NDUFA1: variants seen among roughly 807,000 people sequenced by gnomAD.
NDUFA1 encodes NADH dehydrogenase [ubiquinone] 1 alpha subcomplex subunit 1.
For synonymous variants in NDUFA1, 21 were observed against 20.0 expected (o/e 1.05, Z -0.14); for missense variants, 42 against 56.0 (o/e 0.75, Z 0.80).
chrX:119,876,617 C>T lies in NDUFA1; in HGVS notation c.*83C>T. The T allele has an allele frequency of 1.1e-6, 1 of 889,652 alleles. No homozygotes were observed. Among genetic ancestry groups the T allele is most frequent in the Non-Finnish European group, 1.6e-6 (1 of 606,187 alleles). 73.3% of individuals were successfully genotyped at this position (889,652 alleles called of 1,213,427 possible). ...TAGAAGGTTACAGTGTATTATGTAG[C>T]ATGCAATGTGTTATGTAGTGCTTAA... On this transcript the variant is annotated 3_prime_UTR_variant, in exon 3 of 3. Coordinates refer to ENST00000371437, the MANE Select transcript of NDUFA1 (RefSeq NM_004541.4).
intron 2 of NDUFA1, 136 bp downstream of exon 2, chrX:119,873,529 T>C: frequency 2.3e-6 from 1 of 429,877 alleles, no homozygotes; most frequent in South Asian, 4.3e-5. Context: ...TTTTTACATA[T>C]TTAATCTTTT....
intron 1 of NDUFA1, among the ~76,000 whole-genome samples, chrX:119,872,486 G>T (rs1369151730): frequency 1.8e-5 from 2 of 109,225 alleles, no homozygotes; most frequent in Non-Finnish European, 3.8e-5. Flanking sequence ...GCGTGGTGGC[G>T]CATGCCTGTA....
Position 119,872,838 on chromosome X carries a change from C to T in NDUFA1, c.103-466C>T, listed in dbSNP as rs1044834710. 2.7e-5 allele frequency among the ~76,000 whole-genome samples: 3 copies of T among 109,534 alleles called. No individual in the cohort carries two copies. The East Asian group carries it at 8.6e-4, about 32-fold the overall frequency. On this transcript the variant is annotated intron_variant, in intron 1 of 2. Coordinates refer to ENST00000371437, the MANE Select transcript of NDUFA1 (RefSeq NM_004541.4). ...ACCGGCCACCCTTGACTTTTTTATT[C>T]CCCACTTTCTCTTGCAAGCCTTTAG... is the stretch of plus-strand genomic sequence containing the variant.
intron 2 of NDUFA1, 128 bp downstream of exon 2, chrX:119,873,521 T>C (rs1019443510): frequency 1.7e-5 from 8 of 458,537 alleles, no homozygotes; most frequent in Non-Finnish European, 2.7e-5. Context: ...TTGGCATCTT[T>C]TTACATATTT....
intron 2 of NDUFA1, among the ~76,000 whole-genome samples, chrX:119,874,371 C>T (rs1488555931): frequency 1.8e-5 from 2 of 109,379 alleles, no homozygotes; most frequent in African/African-American, 3.3e-5. Context: ...TACACATGGG[C>T]CTGTTTCACG....
chrX:119,875,109 T>C (rs2056431363), intron 2 of NDUFA1, among the ~76,000 whole-genome samples: 1 of 110,829 alleles, frequency 9.0e-6, no homozygotes, highest in African/African-American at 3.3e-5. Context: ...AATAGATATC[T>C]ACTTATCTGG....
chrX:119,875,512 A>G (rs915144637), intron 2 of NDUFA1, among the ~76,000 whole-genome samples: 3 of 109,084 alleles, frequency 2.8e-5, no homozygotes, highest in African/African-American at 1.0e-4. Flanking sequence ...GGGTTTCACC[A>G]TCTTGGCCAG....
intron 2 of NDUFA1, 122 bp downstream of exon 2, chrX:119,873,515 C>G: frequency 2.2e-6 from 1 of 448,813 alleles, no homozygotes; most frequent in South Asian, 4.1e-5. Context: ...GTGAGGTTGG[C>G]ATCTTTTTAC....
At position 119,873,295 on chromosome X, in the gene NDUFA1, T is replaced by G; in HGVS notation, c.103-9T>G. On this transcript the variant is annotated splice_polypyrimidine_tract_variant and intron_variant, in intron 1 of 2. Coordinates refer to ENST00000371437, the MANE Select transcript of NDUFA1 (RefSeq NM_004541.4). ...ATAAACTGCAACAATAATTGTCTCT[T>G]ATTTGAAGGAAAAAAGGGTTGCTCA... The G allele has an allele frequency of 8.4e-7, 1 of 1,196,407 alleles. No homozygotes were observed. The highest frequency in any genetic ancestry group is 1.1e-6 in the Non-Finnish European group (1 of 881,913).
chrX:119,876,494 C>A lies in NDUFA1; in HGVS notation c.193-20C>A. The A allele has an allele frequency of 8.3e-7, 1 of 1,207,102 alleles. No homozygotes were observed. The highest frequency in any genetic ancestry group is 1.1e-6 in the Non-Finnish European group (1 of 891,876). On this transcript the variant is annotated intron_variant, in intron 2 of 2. Coordinates refer to ENST00000371437, the MANE Select transcript of NDUFA1 (RefSeq NM_004541.4). ...ATGGGAACAGACTTGTCACATTCTC[C>A]TTTTTAAACTGTTTTTCAGGGTTTG...
chrX:119,873,646 G>A (rs2056425303), intron 2 of NDUFA1, among the ~76,000 whole-genome samples: 1 of 107,462 alleles, frequency 9.3e-6, no homozygotes, highest in African/African-American at 3.4e-5. Context: ...TTTGAGCTAT[G>A]GTTCTTTATA....
At chrX:119,873,521 T>A (rs1019443510) in intron 2 of NDUFA1, 128 bp downstream of exon 2, 1 of 458,537 alleles carries the variant, frequency 2.2e-6, no homozygotes, top group Admixed American at 3.8e-5. Flanking sequence ...TTGGCATCTT[T>A]TTACATATTT....
rs1801316 is a variant in NDUFA1 at position 119,872,005 on chromosome X, G to T, written c.94G>T (p.Gly32Trp). The change falls in exon 1 of 3, where the codon GGG becomes TGG. Residue 32 changes from glycine to tryptophan, a missense_variant. Physicochemically the swap from Gly to Trp is radical, Grantham distance 184 (BLOSUM62 -2). Transcript: ENST00000371437. ...TGCGTACATCCACAGGTTCACTAAC[G>T]GGGGCAAGGTAAGCCGGCTTCGGCC... is the stretch of plus-strand genomic sequence containing the variant. ...ATAYIHRFTN[G>W]GKEKRVAHFG... The T allele has an allele frequency of 8.3e-7, 1 of 1,211,460 alleles. No individual in the cohort carries two copies. The highest frequency in any genetic ancestry group is 3.0e-5 in the East Asian group (1 of 33,846).
chrX:119,872,627 TA>T (rs2056419027), intron 1 of NDUFA1, among the ~76,000 whole-genome samples: 1 of 107,008 alleles, frequency 9.3e-6, no homozygotes, highest in Admixed American at 1.0e-4. Context: ...CAAAAAAAAA[TA>T]AATAAAGAAA....
chrX:119,874,903 C>T (rs2056430661), intron 2 of NDUFA1, among the ~76,000 whole-genome samples: 1 of 112,158 alleles, frequency 8.9e-6, no homozygotes, highest in African/African-American at 3.2e-5. Context: ...GTAGTTCATT[C>T]TCATACTTCT....
intron 2 of NDUFA1, among the ~76,000 whole-genome samples, 162 bp from the exon 3 acceptor site, chrX:119,876,352 T>C (rs2056437151): frequency 8.9e-6 from 1 of 112,280 alleles, no homozygotes; most frequent in Admixed American, 9.5e-5. Flanking sequence ...CTTTAGTGAT[T>C]ATAAAATTTA....
At chrX:119,872,101 C>A in intron 1 of NDUFA1, 88 bp downstream of exon 1, 1 of 949,227 alleles carries the variant, frequency 1.1e-6, no homozygotes, top group Non-Finnish European at 1.5e-6. Context: ...TGCGAACCCT[C>A]TCTCCGAGGT....
At chrX:119,875,605 A>G (rs1174605636) in intron 2 of NDUFA1, among the ~76,000 whole-genome samples, 1 of 110,218 alleles carries the variant, frequency 9.1e-6, no homozygotes, top group African/African-American at 3.3e-5. Flanking sequence ...CCACCACGCC[A>G]GGTGTAATCT....
chrX:119,872,046 C>T (rs770338065), intron 1 of NDUFA1, 33 bp downstream of exon 1: 10 of 1,172,064 alleles, frequency 8.5e-6, no homozygotes, highest in African/African-American at 1.7e-5. Context: ...GCCGACTCCA[C>T]GGGCTGATTT....
Sources: gnomAD v4.1 joint callset for allele counts (sites outside exome capture counted in the v4.1 genomes callset) on GRCh38, gnomAD v4.1.1 for gene constraint, MANE v1.5 for transcripts, NCBI Gene and HGNC (gene_info 2026-07-23, HGNC 2026-07-21) for gene names.